Variants in AFF2 observed in about 807,000 individuals in gnomAD.
The protein encoded by AFF2 is AF4/FMR2 family member 2.
Under a neutral mutation model 76.9 loss-of-function variants are expected in AFF2, and 14 were observed. The ratio of observed to expected loss-of-function variants is 0.18; its 90% CI spans 0.12 to 0.28. The LOEUF (loss-of-function observed/expected upper bound fraction) is 0.28, where lower values mean the gene tolerates loss of function less well. Ranked by LOEUF, AFF2 falls within the 10% of genes least tolerant of loss-of-function variation. The pLI, the probability that AFF2 is intolerant of heterozygous loss-of-function variation, is 1.00. For missense variants in AFF2, 868 were observed against 1,001.1 expected (o/e 0.87, Z 1.79); for synonymous variants, 398 against 366.7 (o/e 1.09, Z -0.98).
intron 3 of AFF2, among the ~76,000 whole-genome samples, chrX:148,691,247 G>T (rs2054648387): frequency 8.9e-6 from 1 of 112,240 alleles, no homozygotes; most frequent in South Asian, 3.7e-4. Flanking sequence ...CAGTGGTAGT[G>T]TGGGTTGTTA....
chrX:148,526,741 A>G (rs190381386), intron 1 of AFF2, among the ~76,000 whole-genome samples: 5 of 111,578 alleles, frequency 4.5e-5, no homozygotes, highest in African/African-American at 9.7e-5. Flanking sequence ...CTCTATTTCT[A>G]TATCTGTTCA....
At chrX:148,908,050 C>T (rs781876145) in intron 9 of AFF2, among the ~76,000 whole-genome samples, 16 of 111,865 alleles carry the variant, frequency 1.4e-4, no homozygotes, top group South Asian at 1.2e-3. Context: ...GGCTCTGTTC[C>T]GCCCGGCTCA....
chrX:148,953,833 A>C, intron 10 of AFF2, 94 bp downstream of exon 10: 1 of 720,837 alleles, frequency 1.4e-6, no homozygotes, highest in Non-Finnish European at 2.0e-6. Flanking sequence ...ACACACACAC[A>C]CACTTTCAGC....
At chrX:148,649,567 A>G (rs2054183602) in intron 1 of AFF2, among the ~76,000 whole-genome samples, 1 of 112,305 alleles carries the variant, frequency 8.9e-6, no homozygotes, top group Admixed American at 9.4e-5. Flanking sequence ...CTTGCAACAG[A>G]TAACACCCGC....
intron 1 of AFF2, among the ~76,000 whole-genome samples, chrX:148,629,948 A>G (rs1205971319): frequency 9.0e-6 from 1 of 111,611 alleles, no homozygotes; most frequent in Non-Finnish European, 1.9e-5. Flanking sequence ...TGAAAGACAG[A>G]GCCCCTATGT....
chrX:148,525,087 T>C (rs868943306), intron 1 of AFF2, among the ~76,000 whole-genome samples: 2 of 112,092 alleles, frequency 1.8e-5, no homozygotes, highest in Non-Finnish European at 3.8e-5. Flanking sequence ...ATTATAGTAA[T>C]ATTTTCCTGC....
At chrX:148,862,214 C>A (rs1557276465) in intron 7 of AFF2, among the ~76,000 whole-genome samples, 1 of 109,022 alleles carries the variant, frequency 9.2e-6, no homozygotes, top group Non-Finnish European at 1.9e-5. Flanking sequence ...ACTTTTGAGA[C>A]CATTCTGAAT....
intron 4 of AFF2, among the ~76,000 whole-genome samples, chrX:148,828,856 G>A (rs782710389): frequency 8.8e-4 from 99 of 112,420 alleles, no homozygotes; most frequent in African/African-American, 3.1e-3. Flanking sequence ...ATGGCAAGAA[G>A]ATGGCTTGAT....
chrX:148,657,292 TTAGAG>T (rs1557257243), intron 2 of AFF2, among the ~76,000 whole-genome samples: 2 of 111,587 alleles, frequency 1.8e-5, no homozygotes, highest in Admixed American at 1.9e-4. Flanking sequence ...TTTATTATAA[TTAGAG>T]TAAAGAAGGA....
chrX:148,532,723 A>G (rs2052742691), intron 1 of AFF2, among the ~76,000 whole-genome samples: 1 of 112,255 alleles, frequency 8.9e-6, no homozygotes, highest in African/African-American at 3.2e-5. Flanking sequence ...TCCACAGTAT[A>G]TGGATGAGAA....
intron 1 of AFF2, among the ~76,000 whole-genome samples, chrX:148,566,486 A>G (rs1047732032): frequency 1.8e-5 from 2 of 111,326 alleles, no homozygotes; most frequent in Admixed American, 1.9e-4. Context: ...TTCTCAGACA[A>G]TAGTTCTCTA....
intron 4 of AFF2, 95 bp from the exon 5 acceptor site, chrX:148,837,552 T>C (rs2070542029): frequency 2.3e-6 from 1 of 427,142 alleles, no homozygotes; most frequent in Non-Finnish European, 4.0e-6. Context: ...TTAAGTTAAG[T>C]TAGTATTTAT....
chrX:148,986,384 G>C, intron 19 of AFF2, among the ~76,000 whole-genome samples: 1 of 111,947 alleles, frequency 8.9e-6, no homozygotes, highest in Middle Eastern at 4.6e-3. Context: ...TCCTTAGGTA[G>C]CCAGATCTAA....
rs781801734 is a variant in AFF2 at position 148,533,088 on chromosome X, A to G, written c.47+31944A>G. Among the ~76,000 whole-genome samples the G allele has an allele frequency of 1.1e-4, 12 of 111,907 alleles. No individual in the cohort carries two copies. In the South Asian group the frequency reaches 1.1e-3, roughly 11 times the overall value. ...CACTGAACAGAACTCAAGGTCAATT[A>G]TCTTCTGTCTCTGGGATTCAGAGTG... On this transcript the variant is annotated intron_variant, in intron 1 of 20. Coordinates refer to ENST00000370460, the MANE Select transcript of AFF2 (RefSeq NM_002025.4).
At chrX:148,564,872 T>G (rs2053152105) in intron 1 of AFF2, among the ~76,000 whole-genome samples, 1 of 112,148 alleles carries the variant, frequency 8.9e-6, no homozygotes, top group African/African-American at 3.2e-5. Flanking sequence ...ACAGTAATAC[T>G]CAATAGAGGT....
intron 3 of AFF2, among the ~76,000 whole-genome samples, chrX:148,751,047 GAGT>G (rs1197945138): frequency 8.0e-5 from 9 of 112,256 alleles, no homozygotes; most frequent in African/African-American, 2.9e-4. Flanking sequence ...TCTGTGAGCT[GAGT>G]ATAACAATTT....
At chrX:148,607,291 C>A (rs1051770663) in intron 1 of AFF2, among the ~76,000 whole-genome samples, 3 of 111,316 alleles carry the variant, frequency 2.7e-5, no homozygotes, top group Non-Finnish European at 3.8e-5. Context: ...TGTCCCCACC[C>A]AAATCTCATC....
chrX:148,870,109 T>C (rs2070955549), intron 7 of AFF2, among the ~76,000 whole-genome samples: 1 of 111,096 alleles, frequency 9.0e-6, no homozygotes, highest in African/African-American at 3.3e-5. Context: ...CCAGTTGCAG[T>C]AGTAATCAGC....
At chrX:148,822,676 GT>G (rs1207163627) in intron 4 of AFF2, among the ~76,000 whole-genome samples, 1 of 102,629 alleles carries the variant, frequency 9.7e-6, no homozygotes, top group Non-Finnish European at 2.0e-5. Context: ...CACAAGATGT[GT>G]TTTCTTCCCT....
Sources: allele counts gnomAD v4.1 joint callset (sites outside exome capture counted in the v4.1 genomes callset), GRCh38; gene constraint gnomAD v4.1.1; transcripts MANE v1.5; gene names NCBI Gene and HGNC (gene_info 2026-07-23, HGNC 2026-07-21).